The following CHMP4B variants were observed in gnomAD, a reference collection of about 807,000 sequenced individuals.
CHMP4B encodes the protein charged multivesicular body protein 4B, also known as SNF7 homolog associated with Alix 1.
CHMP4B carries 1 observed loss-of-function variant against 25.1 expected under a neutral mutation model. The ratio of observed to expected loss-of-function variants is 0.04; its 90% CI spans 0.01 to 0.19. The LOEUF is 0.19. Ranked by LOEUF, CHMP4B falls within the 10% of genes least tolerant of loss-of-function variation. The pLI is 1.00. For missense variants in CHMP4B, 151 were observed against 289.7 expected (o/e 0.52, Z 3.48); for synonymous variants, 101 against 115.6 (o/e 0.87, Z 0.81).
chr20:33,839,536 A>G (rs562503721), intron 1 of CHMP4B, among the ~76,000 whole-genome samples: 8 of 152,278 alleles, frequency 5.3e-5, no homozygotes, highest in Admixed American at 1.3e-4. Context: ...AATCTACTAG[A>G]AAAAAAATTT....
At chr20:33,816,504 C>T (rs529055033) in intron 1 of CHMP4B, among the ~76,000 whole-genome samples, 7 of 152,220 alleles carry the variant, frequency 4.6e-5, no homozygotes, top group African/African-American at 1.4e-4. Context: ...ACAGAAATCA[C>T]CCAAAGCTAG....
intron 1 of CHMP4B, among the ~76,000 whole-genome samples, chr20:33,844,913 C>T (rs528047991): frequency 1.2e-4 from 19 of 152,252 alleles, no homozygotes; most frequent in Non-Finnish European, 2.5e-4. Flanking sequence ...CGCCTGCCAC[C>T]ACACCCGGCT....
intron 1 of CHMP4B, among the ~76,000 whole-genome samples, chr20:33,847,245 C>T (rs1243130701): frequency 6.6e-6 from 1 of 151,134 alleles, no homozygotes; most frequent in Non-Finnish European, 1.5e-5. Flanking sequence ...CTTCCTGGCA[C>T]AGATACTTTT....
intron 1 of CHMP4B, among the ~76,000 whole-genome samples, chr20:33,823,834 C>T (rs1252476432): frequency 6.6e-6 from 1 of 152,078 alleles, no homozygotes; most frequent in Non-Finnish European, 1.5e-5. Context: ...GCCACCGCAC[C>T]CAGCCTAATT....
At chr20:33,850,822 G>T in intron 2 of CHMP4B, 130 bp from the exon 3 acceptor site, 1 of 724,090 alleles carries the variant, frequency 1.4e-6, no homozygotes, top group Non-Finnish European at 2.5e-6. Flanking sequence ...ACCCCTCACA[G>T]GGAGTCATTG....
chr20:33,845,570 A>G (rs1373576657), intron 1 of CHMP4B, among the ~76,000 whole-genome samples: 2 of 151,960 alleles, frequency 1.3e-5, no homozygotes, highest in Non-Finnish European at 2.9e-5. Flanking sequence ...TGATCCACCC[A>G]CCTCGGCCTC....
intron 1 of CHMP4B, among the ~76,000 whole-genome samples, chr20:33,813,604 G>A (rs1978701154): frequency 6.6e-6 from 1 of 152,168 alleles, no homozygotes; most frequent in African/African-American, 2.4e-5. Context: ...TCTGTTTATG[G>A]TCATCAGAAT....
chr20:33,818,106 T>A (rs948029618), intron 1 of CHMP4B, among the ~76,000 whole-genome samples: 8 of 152,186 alleles, frequency 5.3e-5, no homozygotes, highest in African/African-American at 1.9e-4. Flanking sequence ...AGTTGATGTA[T>A]GTAGAGTGCC....
At chr20:33,830,949 T>TTTTTTTTTTTTTTTTTTTTTTTTG (rs1979227593) in intron 1 of CHMP4B, among the ~76,000 whole-genome samples, 1 of 136,172 alleles carries the variant, frequency 7.3e-6, no homozygotes, top group Non-Finnish European at 1.6e-5. Flanking sequence ...TTTTTTTTTT[T>TTTTTTTTTTTTTTTTTTTTTTTTG]AGTTTTTTTG....
intron 2 of CHMP4B, 54 bp downstream of exon 2, chr20:33,848,698 C>A: frequency 6.3e-7 from 1 of 1,590,414 alleles, no homozygotes; most frequent in South Asian, 1.1e-5. Flanking sequence ...CGGAATGCCT[C>A]GTACCCAGGC....
At chr20:33,846,286 G>T (rs1388457885) in intron 1 of CHMP4B, among the ~76,000 whole-genome samples, 2 of 152,148 alleles carry the variant, frequency 1.3e-5, no homozygotes, top group Admixed American at 1.3e-4. Context: ...TAACCTTAAA[G>T]GGTTGCTATT....
chr20:33,828,183 G>A (rs1261807035), intron 1 of CHMP4B, among the ~76,000 whole-genome samples: 2 of 152,164 alleles, frequency 1.3e-5, no homozygotes, highest in Non-Finnish European at 2.9e-5. Context: ...AAGCAGTTCT[G>A]GAAAATCAAA....
At chr20:33,818,914 G>T (rs1360781196) in intron 1 of CHMP4B, among the ~76,000 whole-genome samples, 1 of 151,556 alleles carries the variant, frequency 6.6e-6, no homozygotes, top group African/African-American at 2.4e-5. Flanking sequence ...GCTCTTTTTT[G>T]TTTGTTTTTT....
intron 1 of CHMP4B, among the ~76,000 whole-genome samples, chr20:33,822,139 T>G (rs1337830339): frequency 1.3e-5 from 2 of 151,810 alleles, no homozygotes; most frequent in East Asian, 3.9e-4. Flanking sequence ...GCTATTTTAT[T>G]TATTTATTTA....
chr20:33,851,981 GGT>G, intron 3 of CHMP4B, 94 bp from the exon 4 acceptor site: 2 of 1,519,456 alleles, frequency 1.3e-6, no homozygotes, highest in Non-Finnish European at 1.8e-6. Flanking sequence ...TTCTCAGAGG[GGT>G]GTGTGTCTCC....
chr20:33,819,775 A>G (rs1375601273), intron 1 of CHMP4B, among the ~76,000 whole-genome samples: 1 of 152,188 alleles, frequency 6.6e-6, no homozygotes, highest in African/African-American at 2.4e-5. Flanking sequence ...CATGTCTCTG[A>G]ACAACAGCTT....
Position 33,816,818 on chromosome 20 carries a change from C to G in CHMP4B, c.190+5160C>G, listed in dbSNP as rs896532961. On this transcript the variant is annotated intron_variant, in intron 1 of 4. Transcript: ENST00000217402. ...AGAGTGGCATCTAAAACACCCTATA[C>G]TGGTACATTTCTGTGAATTTATGGA... 2.0e-5 allele frequency among the ~76,000 whole-genome samples: 3 copies of G among 152,154 alleles called. No individual in the cohort carries two copies. In the East Asian group the frequency reaches 5.8e-4, roughly 29 times the overall value.
intron 1 of CHMP4B, among the ~76,000 whole-genome samples, chr20:33,833,420 C>A (rs570718492): frequency 6.6e-6 from 1 of 152,136 alleles, no homozygotes; most frequent in Non-Finnish European, 1.5e-5. Context: ...TCAAGTTCAC[C>A]CTCTCCTGGT....
intron 1 of CHMP4B, among the ~76,000 whole-genome samples, chr20:33,812,007 T>C (rs548799093): frequency 6.6e-6 from 1 of 152,200 alleles, no homozygotes; most frequent in African/African-American, 2.4e-5. Flanking sequence ...TGCCCCTGCC[T>C]CCTCCTCGGC....
Sources: gnomAD v4.1 joint callset for allele counts (sites outside exome capture counted in the v4.1 genomes callset) on GRCh38, gnomAD v4.1.1 for gene constraint, MANE v1.5 for transcripts, NCBI Gene and HGNC (gene_info 2026-07-23, HGNC 2026-07-21) for gene names.